The following PTPRN2 variants were observed in gnomAD, a reference collection of about 807,000 sequenced individuals.
PTPRN2 encodes receptor-type tyrosine-protein phosphatase N2.
In PTPRN2, 74 loss-of-function variants were observed where a neutral mutation model predicts 118.8. The observed-to-expected ratio is 0.62, with a 90% CI of 0.52 to 0.76. The LOEUF is 0.76. Ranked by LOEUF, PTPRN2 falls within the 30% of genes least tolerant of loss-of-function variation. The pLI, the probability that PTPRN2 is intolerant of heterozygous loss-of-function variation, is 0.00. For synonymous variants in PTPRN2, 641 were observed against 608.0 expected (o/e 1.05, Z -0.80); for missense variants, 1,481 against 1,394.4 (o/e 1.06, Z -0.99).
intron 2 of PTPRN2, among the ~76,000 whole-genome samples, chr7:158,387,785 G>A (rs1281442202): frequency 6.6e-6 from 1 of 152,130 alleles, no homozygotes; most frequent in Non-Finnish European, 1.5e-5. Flanking sequence ...AACATGAAGA[G>A]CTGTCAAAGT....
At chr7:157,698,568 AAAG>A (rs2150857635) in intron 12 of PTPRN2, among the ~76,000 whole-genome samples, 1 of 152,378 alleles carries the variant, frequency 6.6e-6, no homozygotes, top group South Asian at 2.1e-4. Flanking sequence ...GTTATAATTC[AAAG>A]AATAGAAAAA....
At chr7:157,928,220 C>A (rs1194492174) in intron 11 of PTPRN2, among the ~76,000 whole-genome samples, 1 of 152,162 alleles carries the variant, frequency 6.6e-6, no homozygotes. Flanking sequence ...AGATACAGGA[C>A]CCGACCCAGA....
intron 15 of PTPRN2, among the ~76,000 whole-genome samples, chr7:157,606,697 A>G (rs1417935767): frequency 6.6e-6 from 1 of 152,240 alleles, no homozygotes. Flanking sequence ...AAGTGGCCCC[A>G]ATCATGGAGC....
intron 12 of PTPRN2, among the ~76,000 whole-genome samples, chr7:157,878,493 C>A (rs1019444596): frequency 6.8e-6 from 1 of 147,428 alleles, no homozygotes; most frequent in Non-Finnish European, 1.5e-5. Context: ...TGATACCGTG[C>A]ACCCACGCTT....
intron 1 of PTPRN2, among the ~76,000 whole-genome samples, chr7:158,527,447 A>C (rs1451471440): frequency 1.3e-5 from 2 of 152,218 alleles, no homozygotes; most frequent in Non-Finnish European, 2.9e-5. Context: ...AGGTGAAGGA[A>C]CATGTCTGAC....
intron 2 of PTPRN2, among the ~76,000 whole-genome samples, chr7:158,440,897 TGGTGAC>T (rs1179219147): frequency 6.8e-6 from 1 of 147,818 alleles, no homozygotes; most frequent in Non-Finnish European, 1.5e-5. Context: ...AAGGTGGTGG[TGGTGAC>T]GGTGATGATG....
chr7:157,650,572 G>A (rs536567334), intron 14 of PTPRN2, among the ~76,000 whole-genome samples: 10 of 152,278 alleles, frequency 6.6e-5, no homozygotes, highest in South Asian at 4.1e-4. Flanking sequence ...GCCCAGCCGC[G>A]TGGCCCCAGA....
At chr7:158,140,726 G>A (rs758120382) in intron 6 of PTPRN2, among the ~76,000 whole-genome samples, 13 of 152,224 alleles carry the variant, frequency 8.5e-5, no homozygotes, top group East Asian at 3.9e-4. Context: ...GCCGTGCAGC[G>A]TGGCCGCTGG....
At chr7:158,155,763 T>TTAC (rs1563530055) in intron 6 of PTPRN2, among the ~76,000 whole-genome samples, 95 of 120,858 alleles carry the variant, frequency 7.9e-4, no homozygotes, top group Middle Eastern at 4.6e-3. Context: ...ACCATCATCA[T>TTAC]CACCATCAAC....
intron 8 of PTPRN2, among the ~76,000 whole-genome samples, chr7:158,135,221 G>T (rs949632622): frequency 6.6e-6 from 1 of 152,262 alleles, no homozygotes; most frequent in East Asian, 1.9e-4. Flanking sequence ...ACACTTTTAA[G>T]AAAATTAAGG....
intron 2 of PTPRN2, among the ~76,000 whole-genome samples, chr7:158,445,287 G>A (rs1217376066): frequency 3.3e-5 from 5 of 152,152 alleles, no homozygotes; most frequent in Non-Finnish European, 1.5e-5. Context: ...CACCACCAAA[G>A]GAAGAGCCAA....
chr7:158,191,567 G>A (rs928169105), intron 5 of PTPRN2, among the ~76,000 whole-genome samples: 1 of 152,092 alleles, frequency 6.6e-6, no homozygotes, highest in Non-Finnish European at 1.5e-5. Context: ...GTGAACTCTG[G>A]CCTAACAAGT....
At chr7:157,717,182 G>A (rs907357418) in intron 12 of PTPRN2, among the ~76,000 whole-genome samples, 5 of 152,226 alleles carry the variant, frequency 3.3e-5, no homozygotes, top group East Asian at 1.9e-4. Context: ...ATCGATCCAC[G>A]AGGCTTTGAG....
rs543213132 is a variant in PTPRN2 at position 158,216,024 on chromosome 7, G to T, written c.278-10751C>A. Reference sequence around the variant, plus strand: ...CAGTTCAATTAAACACCATACTACTGTCTTATGTCATTTTAAATGCACATA... The same window carrying T: ...CAGTTCAATTAAACACCATACTACTTTCTTATGTCATTTTAAATGCACATA... On this transcript the variant is annotated intron_variant, in intron 3 of 22. Transcript: ENST00000389418. Among the ~76,000 whole-genome samples, 28 of 152,024 alleles carry T rather than the reference G, an allele frequency of 1.8e-4. No individual in the cohort carries two copies. The South Asian group carries it at 5.8e-3, about 32-fold the overall frequency.
At chr7:158,070,429 C>T (rs1300558305) in intron 11 of PTPRN2, among the ~76,000 whole-genome samples, 11 of 71,226 alleles carry the variant, frequency 1.5e-4, no homozygotes, top group African/African-American at 2.5e-4. Context: ...TGGTGGTGCT[C>T]GTGGTGGTGG....
At position 157,742,039 on chromosome 7, in the gene PTPRN2, G is replaced by A. The variant is rs1800662514; in HGVS notation, c.1789-59102C>T. Among the ~76,000 whole-genome samples the A allele has an allele frequency of 2.0e-5, 3 of 152,222 alleles. No homozygotes were observed. The South Asian group carries it at 6.2e-4, about 32-fold the overall frequency. On this transcript the variant is annotated intron_variant, in intron 12 of 22. Coordinates refer to ENST00000389418, the MANE Select transcript of PTPRN2 (RefSeq NM_002847.5). ...TTCTGTGTGGATGGTCTGGCCCTGT[G>A]TTGACAAACACCTAAATAATCCAGC...
At chr7:158,170,968 T>C (rs946126474) in intron 5 of PTPRN2, among the ~76,000 whole-genome samples, 11 of 150,052 alleles carry the variant, frequency 7.3e-5, no homozygotes, top group African/African-American at 2.5e-4. Context: ...TTATCCTTCA[T>C]ATATATACAT....
chr7:158,445,492 C>T (rs1400964641), intron 2 of PTPRN2, among the ~76,000 whole-genome samples: 2 of 152,216 alleles, frequency 1.3e-5, no homozygotes, highest in South Asian at 2.1e-4. Context: ...GAGCCTGAGC[C>T]GGACCAGTGA....
At chr7:158,514,022 G>A (rs1039619719) in intron 1 of PTPRN2, among the ~76,000 whole-genome samples, 2 of 152,182 alleles carry the variant, frequency 1.3e-5, no homozygotes, top group Non-Finnish European at 2.9e-5. Flanking sequence ...GACTGCACAG[G>A]TCTGTCTTAG....
Sources: gnomAD v4.1 joint callset for allele counts (sites outside exome capture counted in the v4.1 genomes callset) on GRCh38, gnomAD v4.1.1 for gene constraint, MANE v1.5 for transcripts, NCBI Gene and HGNC (gene_info 2026-07-23, HGNC 2026-07-21) for gene names.